The following HHAT variants were observed in gnomAD, a reference collection of about 807,000 sequenced individuals.
HHAT encodes hedgehog acyltransferase.
In HHAT, 47 loss-of-function variants were observed where a neutral mutation model predicts 70.8. That is an observed-to-expected ratio of 0.66 (90% CI 0.53 to 0.85). The LOEUF (loss-of-function observed/expected upper bound fraction) is 0.85, where lower values mean the gene tolerates loss of function less well. HHAT is among the 40% of genes least tolerant of loss of function. HHAT has a pLI of 0.00. For synonymous variants in HHAT, 228 were observed against 247.6 expected (o/e 0.92, Z 0.74); for missense variants, 609 against 604.8 (o/e 1.01, Z -0.07).
chr1:210,621,730 C>T (rs1668863179), intron 10 of HHAT, among the ~76,000 whole-genome samples: 1 of 152,126 alleles, frequency 6.6e-6, no homozygotes, highest in African/African-American at 2.4e-5. Flanking sequence ...CCTGTGGCCT[C>T]CTAGAGCAGG....
chr1:210,462,098 C>A (rs1320612766), intron 7 of HHAT, among the ~76,000 whole-genome samples: 1 of 152,132 alleles, frequency 6.6e-6, no homozygotes, highest in African/African-American at 2.4e-5. Flanking sequence ...AATTTATATG[C>A]CTTGAATCTG....
chr1:210,565,182 C>A (rs1296980167), intron 9 of HHAT, among the ~76,000 whole-genome samples: 1 of 152,068 alleles, frequency 6.6e-6, no homozygotes, highest in Admixed American at 6.6e-5. Flanking sequence ...AGGGACAAAT[C>A]GTGAATGGAC....
chr1:210,579,340 G>C (rs1468062188), intron 9 of HHAT, among the ~76,000 whole-genome samples: 1 of 151,766 alleles, frequency 6.6e-6, no homozygotes, highest in East Asian at 1.9e-4. Flanking sequence ...TGGTTGCCAG[G>C]TGCCGGGGGT....
At chr1:210,532,854 C>T (rs1052924408) in intron 9 of HHAT, among the ~76,000 whole-genome samples, 1 of 151,958 alleles carries the variant, frequency 6.6e-6, no homozygotes, top group Non-Finnish European at 1.5e-5. Context: ...TTGTAGAATA[C>T]GAAAGGAAGA....
intron 11 of HHAT, among the ~76,000 whole-genome samples, chr1:210,670,285 G>A (rs989932391): frequency 1.3e-5 from 2 of 152,214 alleles, no homozygotes; most frequent in African/African-American, 4.8e-5. Flanking sequence ...CACAGTCAGA[G>A]ACCTTGTGTC....
intron 7 of HHAT, among the ~76,000 whole-genome samples, chr1:210,455,931 C>T (rs939065325): frequency 2.0e-5 from 3 of 152,074 alleles, no homozygotes; most frequent in Non-Finnish European, 4.4e-5. Flanking sequence ...CCATGAGAGA[C>T]GAGATGGAAC....
intron 1 of HHAT, among the ~76,000 whole-genome samples, chr1:210,348,316 G>A (rs571695154): frequency 1.3e-5 from 2 of 152,226 alleles, no homozygotes; most frequent in East Asian, 3.9e-4. Flanking sequence ...GCCCAGGCTG[G>A]TCTCGAACTC....
At chr1:210,672,481 C>T (rs17188430) in intron 11 of HHAT, among the ~76,000 whole-genome samples, 2,612 of 152,330 alleles carry the variant, frequency 0.017, 36 homozygotes, top group Middle Eastern at 0.031. Context: ...GCTCAGCCCA[C>T]GTGGCCCAGT....
intron 11 of HHAT, among the ~76,000 whole-genome samples, chr1:210,662,078 A>C (rs2078224): frequency 0.41 from 62,759 of 152,064 alleles, 13,287 homozygotes; most frequent in African/African-American, 0.48. Flanking sequence ...GTTCATCCTC[A>C]CAGCCTACCT....
At chr1:210,391,318 G>C (rs936111695) in intron 4 of HHAT, among the ~76,000 whole-genome samples, 1 of 152,096 alleles carries the variant, frequency 6.6e-6, no homozygotes, top group Admixed American at 6.5e-5. Flanking sequence ...AAAATCAAAA[G>C]TATTAAACTT....
intron 9 of HHAT, among the ~76,000 whole-genome samples, chr1:210,552,756 C>T (rs1471889991): frequency 6.6e-6 from 1 of 152,182 alleles, no homozygotes; most frequent in African/African-American, 2.4e-5. Flanking sequence ...CTGGAGAGGG[C>T]TCAGCTGCCA....
At chr1:210,493,512 A>C (rs1015171518) in intron 8 of HHAT, among the ~76,000 whole-genome samples, 6 of 152,176 alleles carry the variant, frequency 3.9e-5, no homozygotes, top group African/African-American at 1.4e-4. Context: ...TTAAATGTTC[A>C]TCATATTTTG....
chr1:210,334,000 C>G (rs1330950384), intron 1 of HHAT, among the ~76,000 whole-genome samples: 1 of 151,836 alleles, frequency 6.6e-6, no homozygotes, highest in Non-Finnish European at 1.5e-5. Context: ...CATCTATAAT[C>G]CAATGAAATG....
rs57007952 is a variant in HHAT, at chr1:210,340,242, GAAAAAAAAA to G, written c.-43-8673_-43-8665del. Among the ~76,000 whole-genome samples the G allele has an allele frequency of 9.6e-3, 958 of 99,776 alleles. 24 individuals carry two copies. The highest frequency in any genetic ancestry group is 0.03 in the African/African-American group (895 of 29,622). 65.5% of individuals were successfully genotyped at this position (99,776 alleles called of 152,430 possible). On this transcript the variant is annotated intron_variant, in intron 1 of 11. Transcript: ENST00000261458. ...GGGGATAGAGCAAGACTCTGTCTCA[GAAAAAAAAA>G]AAAAAAAAAAAAAAAAAGACTCAAG...
chr1:210,573,259 G>A (rs534081385), intron 9 of HHAT, among the ~76,000 whole-genome samples: 10 of 152,162 alleles, frequency 6.6e-5, no homozygotes, highest in Non-Finnish European at 1.5e-4. Flanking sequence ...GACTGCCACT[G>A]AAATCTGTGA....
chr1:210,572,021 G>T (rs1040621051), intron 9 of HHAT, among the ~76,000 whole-genome samples: 21 of 152,156 alleles, frequency 1.4e-4, no homozygotes, highest in African/African-American at 4.3e-4. Context: ...ATGCTTACCG[G>T]CCCATTGTTT....
Position 210,551,705 on chromosome 1 carries a change from C to T in HHAT, c.1044-36193C>T, listed in dbSNP as rs149913488. Reference sequence around the variant, plus strand: ...TAAATTTCTTAGCAACATTAATGAACGATTTATTGAAGGGAAAACAAATTG... The same window carrying T: ...TAAATTTCTTAGCAACATTAATGAATGATTTATTGAAGGGAAAACAAATTG... On this transcript the variant is annotated intron_variant, in intron 9 of 11. Transcript: ENST00000261458. Among the ~76,000 whole-genome samples the T allele has an allele frequency of 4.0e-3, 603 of 152,250 alleles. 4 individuals are homozygous for T. Among genetic ancestry groups the T allele is most frequent in the African/African-American group, 0.014 (578 of 41,538 alleles).
At chr1:210,572,356 T>A (rs1374321142) in intron 9 of HHAT, among the ~76,000 whole-genome samples, 1 of 151,306 alleles carries the variant, frequency 6.6e-6, no homozygotes, top group Non-Finnish European at 1.5e-5. Flanking sequence ...TCAAAGACCT[T>A]TATTTTCCTT....
chr1:210,336,972 A>G (rs1247550920), intron 1 of HHAT, among the ~76,000 whole-genome samples: 1 of 152,244 alleles, frequency 6.6e-6, no homozygotes, highest in Non-Finnish European at 1.5e-5. Flanking sequence ...GAGAATTTTC[A>G]GGGGAAAGAA....
Sources: gnomAD v4.1 joint callset for allele counts (sites outside exome capture counted in the v4.1 genomes callset) on GRCh38, gnomAD v4.1.1 for gene constraint, MANE v1.5 for transcripts, NCBI Gene and HGNC (gene_info 2026-07-23, HGNC 2026-07-21) for gene names.